LRRC56: variants seen among roughly 807,000 people sequenced by gnomAD.
LRRC56 encodes leucine rich repeat containing 56, also known as leucine-rich repeat-containing protein 56.
A neutral mutation model predicts 47.8 loss-of-function variants in LRRC56; 41 were observed. That is an observed-to-expected ratio of 0.86 (90% CI 0.67 to 1.11). The LOEUF (loss-of-function observed/expected upper bound fraction) is 1.11. LRRC56 is among the 50% of genes most tolerant of loss of function. The pLI, the probability that LRRC56 is intolerant of heterozygous loss-of-function variation, is 0.00. For missense variants in LRRC56, 759 were observed against 704.2 expected (o/e 1.08, Z -0.88); for synonymous variants, 387 against 311.2 (o/e 1.24, Z -2.56).
the LRRC56 span, among the ~76,000 whole-genome samples, chr11:510,092 ACAT>A: frequency 6.6e-6 from 1 of 151,312 alleles, no homozygotes; most frequent in East Asian, 2.0e-4. Flanking sequence ...CCCCTCCCTC[ACAT>A]CCAGCCCCAC....
intron 6 of LRRC56, among the ~76,000 whole-genome samples, chr11:547,075 C>CTGGGCTTGGGCT (rs1364451939): frequency 6.6e-6 from 1 of 151,094 alleles, no homozygotes; most frequent in Non-Finnish European, 1.5e-5. Flanking sequence ...AAAAAATTAG[C>CTGGGCTTGGGCT]TGGGCTTGGG....
chr11:520,803 C>G, the LRRC56 span, among the ~76,000 whole-genome samples: 1 of 152,194 alleles, frequency 6.6e-6, no homozygotes, highest in South Asian at 2.1e-4. Flanking sequence ...AGGCCGTGCT[C>G]ACCCCTACGC....
chr11:532,668 C>T (rs772602067), upstream of LRRC56: 19 of 1,612,846 alleles, frequency 1.2e-5, no homozygotes, highest in Middle Eastern at 1.6e-4. Flanking sequence ...CTCATGCAGC[C>T]GGGGCCACTC....
the LRRC56 span, among the ~76,000 whole-genome samples, chr11:513,092 C>A: frequency 1.3e-5 from 2 of 152,230 alleles, no homozygotes; most frequent in Non-Finnish European, 2.9e-5. Context: ...CAGCACACCC[C>A]GCCTGCAGGG....
At position 549,876 on chromosome 11, in the gene LRRC56, T is replaced by C. The variant is rs763456755; in HGVS notation, c.327-26T>C. On this transcript the variant is annotated intron_variant, in intron 6 of 13. Transcript: ENST00000270115. ...GCTGAGCACAGGGCTGGGCACATGT[T>C]GACCACCAAACCCTGCCTTCTGCAG... The C allele has an allele frequency of 3.1e-6, 5 of 1,604,402 alleles. No homozygotes were observed. In the Admixed American group the frequency reaches 6.7e-5, roughly 21 times the overall value.
At chr11:549,290 C>T (rs879523644) in intron 6 of LRRC56, among the ~76,000 whole-genome samples, 3 of 152,182 alleles carry the variant, frequency 2.0e-5, no homozygotes, top group Non-Finnish European at 4.4e-5. Context: ...GCTGAAGGGA[C>T]GGCCTCCCAG....
intron 9 of LRRC56, 45 bp downstream of exon 9, chr11:551,347 C>G (rs958883099): frequency 6.5e-6 from 9 of 1,385,442 alleles, no homozygotes; most frequent in Non-Finnish European, 8.8e-6. Flanking sequence ...GCCCCAGCTC[C>G]CCCCAGGAAG....
chr11:544,706 C>T lies in LRRC56; in HGVS notation c.266-14C>T. 6.2e-7 allele frequency: 1 copy of T among 1,612,586 alleles called. No homozygotes were observed. The highest frequency in any genetic ancestry group is 8.5e-7 in the Non-Finnish European group (1 of 1,179,856). On this transcript the variant is annotated splice_polypyrimidine_tract_variant and intron_variant, in intron 5 of 13. Transcript: ENST00000270115. ...GAGGGGCCGGGCCAACCTCCTCCTCCTGTGGCCATACAGGGGTGCACCTGC... is the reference window on the plus strand; with the variant it reads ...GAGGGGCCGGGCCAACCTCCTCCTCTTGTGGCCATACAGGGGTGCACCTGC...
the LRRC56 span, among the ~76,000 whole-genome samples, chr11:517,783 G>T: frequency 6.6e-6 from 1 of 152,188 alleles, no homozygotes; most frequent in Admixed American, 6.5e-5. Flanking sequence ...TGTCTGTGTA[G>T]AAAGAAGTAG....
At chr11:514,935 G>C in the LRRC56 span, among the ~76,000 whole-genome samples, 1 of 152,238 alleles carries the variant, frequency 6.6e-6, no homozygotes, top group Admixed American at 6.5e-5. Flanking sequence ...CTCACCCACA[G>C]AGGCGGTGGA....
At chr11:533,857 T>C (rs771774973), upstream of LRRC56, 1 of 1,613,368 alleles carries the variant, frequency 6.2e-7, no homozygotes, top group Non-Finnish European at 8.5e-7. Flanking sequence ...TGGTCCCGCA[T>C]GGCGCTGTAC....
chr11:534,916 A>G (rs11246176), upstream of LRRC56, among the ~76,000 whole-genome samples: 14,485 of 152,302 alleles, frequency 0.095, 845 homozygotes, highest in South Asian at 0.19. Context: ...TTTCAGCCAC[A>G]GAAAGCTGGA....
chr11:543,216 C>A (rs1377538815), intron 5 of LRRC56, among the ~76,000 whole-genome samples: 1 of 131,866 alleles, frequency 7.6e-6, no homozygotes, highest in Non-Finnish European at 1.6e-5. Context: ...TTGTTTTTTT[C>A]ATTGTTGTTT....
chr11:531,138 CAGAAGGGGGAGTGTGGCGTCCCCTGGAG>C, the LRRC56 span, among the ~76,000 whole-genome samples: 2 of 61,862 alleles, frequency 3.2e-5, no homozygotes, highest in South Asian at 5.5e-4. Context: ...GTCCCCTGGA[CAGAAGGGGGAGTGTGGCGTCCCCTGGAG>C]AGAAGGGCGA....
At chr11:520,339 T>C in the LRRC56 span, among the ~76,000 whole-genome samples, 1 of 151,906 alleles carries the variant, frequency 6.6e-6, no homozygotes, top group Non-Finnish European at 1.5e-5. Context: ...TTTTTTTTTT[T>C]ATGGGGAATC....
chr11:509,335 T>G, the LRRC56 span, among the ~76,000 whole-genome samples: 7 of 152,258 alleles, frequency 4.6e-5, no homozygotes, highest in Non-Finnish European at 1.0e-4. Context: ...TTCATTTCAT[T>G]CTTTTCTTTG....
In LRRC56 at chr11:551,973, G is replaced by A. The variant is rs1161938343; in HGVS notation, c.1038+6G>A. 6.2e-7 allele frequency: 1 copy of A among 1,612,644 alleles called. No homozygotes were observed. The highest frequency in any genetic ancestry group is 1.7e-5 in the Admixed American group (1 of 60,000). The stretch of plus-strand genomic sequence containing the variant: ...AGCGTAGGCACCAGTGCCAGGTACA[G>A]CCCACAGGGACCAGCCCCCCACGAG... On this transcript the variant is annotated splice_donor_region_variant and intron_variant, in intron 11 of 13. Transcript: ENST00000270115.
At chr11:535,270 C>T (rs1241923449), upstream of LRRC56, 1 of 134,836 alleles carries the variant, frequency 7.4e-6, no homozygotes, top group Admixed American at 7.6e-5. Flanking sequence ...TGCCCGCGGG[C>T]CCCGCCCGGC....
Position 554,358 on chromosome 11 carries a change from C to T in LRRC56, c.*82C>T, listed in dbSNP as rs918621320. ...GGTCACAGAGCACAGAATACCTGGG[C>T]GGGTGTGTTGGGGGGTGGAAGGAGT... On this transcript the variant is annotated 3_prime_UTR_variant, in exon 14 of 14. Transcript: ENST00000270115. 5.5e-6 allele frequency: 7 copies of T among 1,266,958 alleles called. No homozygotes were observed. The highest frequency in any genetic ancestry group is 4.6e-5 in the African/African-American group (3 of 64,800). 78.5% of individuals were successfully genotyped at this position (1,266,958 alleles called of 1,614,324 possible).
Sources: gnomAD v4.1 joint callset for allele counts (sites outside exome capture counted in the v4.1 genomes callset) on GRCh38, gnomAD v4.1.1 for gene constraint, MANE v1.5 for transcripts, NCBI Gene and HGNC (gene_info 2026-07-23, HGNC 2026-07-21) for gene names.